SEPTIN3: variants seen among roughly 807,000 people sequenced by gnomAD.
SEPTIN3 encodes the protein septin 3.
In SEPTIN3, 15 loss-of-function variants were observed where a neutral mutation model predicts 45.1. The ratio of observed to expected loss-of-function variants is 0.33; its 90% CI spans 0.22 to 0.51. The LOEUF (loss-of-function observed/expected upper bound fraction) is 0.51, where lower values mean the gene tolerates loss of function less well. Ranked by LOEUF, SEPTIN3 falls within the 20% of genes least tolerant of loss-of-function variation. The pLI, the probability that SEPTIN3 is intolerant of heterozygous loss-of-function variation, is 0.97. For missense variants in SEPTIN3, 289 were observed against 457.2 expected (o/e 0.63, Z 3.35); for synonymous variants, 148 against 164.8 (o/e 0.90, Z 0.78).
intron 3 of SEPTIN3, among the ~76,000 whole-genome samples, chr22:41,985,255 T>A (rs2078186817): frequency 6.6e-6 from 1 of 152,230 alleles, no homozygotes. Context: ...AAGGGAGCCA[T>A]AGCGAAGGAA....
intron 1 of SEPTIN3, among the ~76,000 whole-genome samples, chr22:41,970,176 C>A (rs897845936): frequency 6.6e-6 from 1 of 152,062 alleles, no homozygotes; most frequent in Non-Finnish European, 1.5e-5. Context: ...TGGCCTTGTC[C>A]CCCAGCTGCA....
At chr22:41,981,906 A>G (rs1231715111) in intron 3 of SEPTIN3, 70 bp downstream of exon 3, 1 of 1,395,954 alleles carries the variant, frequency 7.2e-7, no homozygotes, top group African/African-American at 1.4e-5. Context: ...TCTTTCCCCC[A>G]AATGGCTGTG....
At chr22:41,979,796 G>A (rs1329731524) in intron 2 of SEPTIN3, among the ~76,000 whole-genome samples, 1 of 152,224 alleles carries the variant, frequency 6.6e-6, no homozygotes, top group African/African-American at 2.4e-5. Flanking sequence ...GAAGGACCAG[G>A]TGGAGGGAGA....
At chr22:41,992,208 A>C (rs114232116) in intron 8 of SEPTIN3, among the ~76,000 whole-genome samples, 51 of 152,000 alleles carry the variant, frequency 3.4e-4, no homozygotes, top group African/African-American at 1.1e-3. Flanking sequence ...GCAAAAACTT[A>C]TCTCTACAAA....
At chr22:41,993,185 A>G (rs971236908) in intron 9 of SEPTIN3, among the ~76,000 whole-genome samples, 1 of 152,208 alleles carries the variant, frequency 6.6e-6, no homozygotes, top group Non-Finnish European at 1.5e-5. Flanking sequence ...TAATGATTTC[A>G]TTCAATATGA....
chr22:41,979,285 G>A (rs1490474492), intron 2 of SEPTIN3, among the ~76,000 whole-genome samples: 1 of 152,186 alleles, frequency 6.6e-6, no homozygotes, highest in Non-Finnish European at 1.5e-5. Context: ...CCAGGGCGGA[G>A]CAGGCCATGG....
chr22:41,995,172 T>C (rs133302), intron 11 of SEPTIN3: 797,971 of 1,043,642 alleles, frequency 0.76, 306,518 homozygotes, highest in East Asian at 0.91. Context: ...ACTGGGGCTA[T>C]AGAGATTCTC....
At chr22:41,991,950 G>A (rs2078324956) in intron 8 of SEPTIN3, among the ~76,000 whole-genome samples, 1 of 152,162 alleles carries the variant, frequency 6.6e-6, no homozygotes, top group African/African-American at 2.4e-5. Context: ...GATGGGAGGG[G>A]CAGCAGGCAG....
Position 41,972,736 on chromosome 22 carries a change from C to A in SEPTIN3, c.1244C>A (p.Ala415Asp), listed in dbSNP as rs2146665006. The change falls in exon 2 of 12, where the codon GCC (alanine) becomes GAC (aspartate). Residue 415 changes from alanine (A) to aspartate (D), a missense_variant. Coordinates refer to ENST00000644076, the MANE Select transcript of SEPTIN3 (RefSeq NM_001363845.2). ...ATGGCTTTGGCCAGAGTGAACAGAG[C>A]CAAGCTGGGCACGGCTAAGAATTCT... ...TAMALARVNR[A>D]KLGTAKNSLA... 1 of 398,962 alleles carries A rather than the reference C, an allele frequency of 2.5e-6. No individual in the cohort carries two copies. Among genetic ancestry groups the A allele is most frequent in the Non-Finnish European group, 4.4e-6 (1 of 226,104 alleles). The allele number at this position is 398,962 out of a possible 1,614,324, so 24.7% of individuals were successfully genotyped here.
chr22:41,990,745 CAAAAAAAAAAAA>C lies in SEPTIN3; in HGVS notation c.2164-816_2164-805del, dbSNP rs71184855. Among the ~76,000 whole-genome samples, 247 of 96,546 alleles carry C rather than the reference CAAAAAAAAAAAA, an allele frequency of 2.6e-3. 2 individuals are homozygous for C. Among genetic ancestry groups the C allele is most frequent in the African/African-American group, 0.011 (231 of 21,422 alleles). The allele number at this position is 96,546 out of a possible 152,430, so 63.3% of individuals were successfully genotyped here. ...TGGGCGACAAAGTGACACTCTATCT[CAAAAAAAAAAAA>C]AAAAAAAAAAAGAAACTTACAATTG... On this transcript the variant is annotated intron_variant, in intron 7 of 11. Transcript: ENST00000644076.
At chr22:41,975,489 T>G (rs1048746640) in intron 2 of SEPTIN3, among the ~76,000 whole-genome samples, 2 of 152,158 alleles carry the variant, frequency 1.3e-5, no homozygotes, top group Admixed American at 6.6e-5. Context: ...TCCCTCCATC[T>G]GCAGCCCAGC....
At chr22:41,982,847 C>T (rs2078143823) in intron 3 of SEPTIN3, among the ~76,000 whole-genome samples, 2 of 150,966 alleles carry the variant, frequency 1.3e-5, no homozygotes, top group African/African-American at 4.9e-5. Context: ...GCTGAGACTG[C>T]ACCATTGGAC....
chr22:41,989,639 G>A lies in SEPTIN3; in HGVS notation c.2118G>A (p.Lys706=), dbSNP rs956492571. 3 of 1,613,872 alleles carry A rather than the reference G, an allele frequency of 1.9e-6. No homozygotes were observed. The African/African-American group carries it at 4.0e-5, about 22-fold the overall frequency. ...TGAACATCATCCCTGTCATTGCTAAGGCTGACACCATGACCCTGGAGGAGA... is the reference window on the plus strand; with the variant it reads ...TGAACATCATCCCTGTCATTGCTAAAGCTGACACCATGACCCTGGAGGAGA... ...KVVNIIPVIA[K]ADTMTLEEKS... is the part of the protein sequence containing the mutation. Residue 706 remains lysine, a synonymous_variant, in exon 7 of 12, where the codon AAG becomes AAA. Coordinates refer to ENST00000644076, the MANE Select transcript of SEPTIN3 (RefSeq NM_001363845.2).
chr22:41,991,701 G>GC, intron 8 of SEPTIN3, 33 bp downstream of exon 8: 1 of 1,365,364 alleles, frequency 7.3e-7, no homozygotes, highest in Non-Finnish European at 1.0e-6. Context: ...CTCCACTGAT[G>GC]CCCCCTTGCG....
chr22:41,972,067 C>A lies in SEPTIN3; in HGVS notation c.575C>A (p.Ala192Asp). The stretch of plus-strand genomic sequence containing the variant: ...AAGCCCCTGGTGAGTTCCTACCTAG[C>A]CTTACCTTTCCAATCCCGGTTAGCC... ...TEKPLVSSYL[A>D]LPFQSRLAQS... The change falls in exon 2 of 12, where the codon GCC becomes GAC. Residue 192 changes from alanine to aspartate, a missense_variant. By Grantham distance (126) the Ala-to-Asp change is moderately radical (BLOSUM62 -2). Transcript: ENST00000644076. 1 of 399,146 alleles carries A rather than the reference C, an allele frequency of 2.5e-6. No individual in the cohort carries two copies. The highest frequency in any genetic ancestry group is 4.4e-6 in the Non-Finnish European group (1 of 226,130). 24.7% of individuals were successfully genotyped at this position (399,146 alleles called of 1,614,324 possible). A position where few individuals can be genotyped will look rare whatever the true frequency, so the allele number is the denominator to read the frequency against.
chr22:41,991,057 C>T (rs2078306328), intron 7 of SEPTIN3, among the ~76,000 whole-genome samples: 1 of 152,010 alleles, frequency 6.6e-6, no homozygotes. Context: ...GAGCAAGACT[C>T]GGTCTCAAAC....
intron 9 of SEPTIN3, 64 bp downstream of exon 9, chr22:41,992,827 G>A: frequency 9.1e-7 from 1 of 1,103,420 alleles, no homozygotes; most frequent in African/African-American, 1.5e-5. Context: ...CATTTATTAA[G>A]CATCTATAGG....
intron 9 of SEPTIN3, among the ~76,000 whole-genome samples, chr22:41,993,942 C>A (rs945791770): frequency 6.6e-6 from 1 of 152,180 alleles, no homozygotes. Context: ...TTACTTCCAA[C>A]CGGATTATAA....
chr22:41,986,231 G>T lies in SEPTIN3; in HGVS notation c.1825+119G>T, dbSNP rs2082474865. 2.4e-6 allele frequency: 3 copies of T among 1,233,424 alleles called. 1 individual carries two copies. In the South Asian group the frequency reaches 4.4e-5, roughly 18 times the overall value. The allele number at this position is 1,233,424 out of a possible 1,614,324, so 76.4% of individuals were successfully genotyped here. ...TAAAAGGCAACCTTAAGACAAAACA[G>T]ACGTGAGCACTTCACTCTGAAGCAA... On this transcript the variant is annotated intron_variant, in intron 4 of 11. Coordinates refer to ENST00000644076, the MANE Select transcript of SEPTIN3 (RefSeq NM_001363845.2).
Sources: allele counts gnomAD v4.1 joint callset (sites outside exome capture counted in the v4.1 genomes callset), GRCh38; gene constraint gnomAD v4.1.1; transcripts MANE v1.5; gene names NCBI Gene and HGNC (gene_info 2026-07-23, HGNC 2026-07-21).